The following ADGRV1 variants were observed in gnomAD, a reference collection of about 807,000 sequenced individuals.
ADGRV1 encodes adhesion G protein-coupled receptor V1.
In ADGRV1, 359 loss-of-function variants were observed where a neutral mutation model predicts 596.2. The ratio of observed to expected loss-of-function variants is 0.60; its 90% confidence interval spans 0.55 to 0.66. The LOEUF (loss-of-function observed/expected upper bound fraction) is 0.66, where lower values mean the gene tolerates loss of function less well. ADGRV1 is among the 30% of genes least tolerant of loss of function. The pLI is 0.00. For missense variants in ADGRV1, 7,274 were observed against 7,575.6 expected (o/e 0.96, Z 1.48); for synonymous variants, 2,681 against 2,679.2 (o/e 1.00, Z -0.02).
chr5:91,069,280 A>G (rs2151384751), intron 85 of ADGRV1, among the ~76,000 whole-genome samples: 1 of 152,266 alleles, frequency 6.6e-6, no homozygotes, highest in South Asian at 2.1e-4. Flanking sequence ...AGCAATTGCA[A>G]CAAAAACAAA....
chr5:90,633,908 A>G (rs1385555279), intron 9 of ADGRV1, among the ~76,000 whole-genome samples: 1 of 152,122 alleles, frequency 6.6e-6, no homozygotes, highest in East Asian at 1.9e-4. Flanking sequence ...ATTTACTTTT[A>G]CTATTAAAAT....
chr5:90,796,060 C>A (rs567731081), intron 70 of ADGRV1, among the ~76,000 whole-genome samples: 2 of 152,138 alleles, frequency 1.3e-5, no homozygotes, highest in Non-Finnish European at 2.9e-5. Flanking sequence ...AAAACCAGAA[C>A]GCTGCTTCTC....
At chr5:90,682,788 TA>T (rs1371817393) in intron 27 of ADGRV1, among the ~76,000 whole-genome samples, 1 of 152,250 alleles carries the variant, frequency 6.6e-6, no homozygotes, top group East Asian at 1.9e-4. Context: ...AAATAAAAAT[TA>T]CTCTTAGTTG....
At chr5:90,892,422 GC>G (rs1391958431) in intron 83 of ADGRV1, among the ~76,000 whole-genome samples, 2 of 151,874 alleles carry the variant, frequency 1.3e-5, no homozygotes, top group East Asian at 3.8e-4. Flanking sequence ...TGTCATTCAG[GC>G]CTGGCAATTT....
intron 84 of ADGRV1, among the ~76,000 whole-genome samples, chr5:90,979,083 T>G (rs994724065): frequency 5.3e-5 from 8 of 151,896 alleles, no homozygotes; most frequent in African/African-American, 1.9e-4. Context: ...ATATCTCCAC[T>G]GGCATTTAAA....
In ADGRV1 at chr5:90,609,274, A is replaced by G. The variant is rs565507156; in HGVS notation, c.23-5561A>G. Among the ~76,000 whole-genome samples the G allele has an allele frequency of 2.6e-5, 4 of 152,128 alleles. No homozygotes were observed. In the East Asian group the frequency reaches 7.7e-4, roughly 29 times the overall value. On this transcript the variant is annotated intron_variant, in intron 1 of 89. Coordinates refer to ENST00000405460, the MANE Select transcript of ADGRV1 (RefSeq NM_032119.4). ...TACTGTTTATCTTTTTATTCCTTTT[A>G]AATATTATGCCACATGCATATATAA... is the stretch of plus-strand genomic sequence containing the variant.
chr5:91,052,788 C>G (rs913355182), intron 85 of ADGRV1, among the ~76,000 whole-genome samples: 3 of 152,002 alleles, frequency 2.0e-5, no homozygotes, highest in Non-Finnish European at 4.4e-5. Flanking sequence ...ATGTCACAGT[C>G]CAGTTGTAGT....
chr5:90,714,124 C>T (rs6891645), intron 42 of ADGRV1, among the ~76,000 whole-genome samples: 18,757 of 152,078 alleles, frequency 0.12, 3,359 homozygotes, highest in African/African-American at 0.4. Context: ...TGTACATATA[C>T]GATAGTTTCT....
At chr5:91,087,954 A>G (rs764449203) in intron 86 of ADGRV1, among the ~76,000 whole-genome samples, 39 of 152,150 alleles carry the variant, frequency 2.6e-4, no homozygotes, top group Admixed American at 9.2e-4. Flanking sequence ...GCATTTTTTA[A>G]CATTTAATTG....
At chr5:91,126,000 G>A (rs1342928211) in intron 87 of ADGRV1, among the ~76,000 whole-genome samples, 1 of 152,106 alleles carries the variant, frequency 6.6e-6, no homozygotes, top group Admixed American at 6.6e-5. Flanking sequence ...AGCTTTCCAT[G>A]CCCACTCTAG....
chr5:90,932,273 T>G, intron 83 of ADGRV1, among the ~76,000 whole-genome samples: 1 of 152,132 alleles, frequency 6.6e-6, no homozygotes, highest in East Asian at 1.9e-4. Context: ...TCTCATCACG[T>G]CTACATTGAG....
chr5:91,117,039 G>A (rs1792905949), intron 87 of ADGRV1, among the ~76,000 whole-genome samples: 1 of 152,072 alleles, frequency 6.6e-6, no homozygotes, highest in South Asian at 2.1e-4. Context: ...AATAATAGTA[G>A]GTAAGAAGTA....
intron 85 of ADGRV1, among the ~76,000 whole-genome samples, chr5:90,993,836 C>T (rs1017417549): frequency 6.6e-6 from 1 of 151,906 alleles, no homozygotes; most frequent in Non-Finnish European, 1.5e-5. Flanking sequence ...TCCTCCTCTC[C>T]TCTGAGTCTT....
chr5:90,713,817 G>C (rs997543101), intron 42 of ADGRV1, among the ~76,000 whole-genome samples: 2 of 152,136 alleles, frequency 1.3e-5, no homozygotes, highest in African/African-American at 4.8e-5. Flanking sequence ...CCACCTCCAT[G>C]AGTAGGAGAA....
At chr5:90,988,585 C>T (rs1035719552) in intron 85 of ADGRV1, among the ~76,000 whole-genome samples, 1 of 151,942 alleles carries the variant, frequency 6.6e-6, no homozygotes, top group African/African-American at 2.4e-5. Context: ...GCTCCATACC[C>T]ATATTATATA....
At chr5:91,107,533 G>A (rs112901891) in intron 87 of ADGRV1, among the ~76,000 whole-genome samples, 258 of 152,240 alleles carry the variant, frequency 1.7e-3, no homozygotes, top group African/African-American at 4.8e-3. Flanking sequence ...AGTGTGGAAT[G>A]TTGGCATTTG....
Position 90,629,557 on chromosome 5 carries a change from A to T in ADGRV1, c.1839+18A>T. 1 of 1,540,098 alleles carries T rather than the reference A, an allele frequency of 6.5e-7. No individual in the cohort carries two copies. Among genetic ancestry groups the T allele is most frequent in the Non-Finnish European group, 8.8e-7 (1 of 1,130,708 alleles). On this transcript the variant is annotated intron_variant, in intron 9 of 89. Coordinates refer to ENST00000405460, the MANE Select transcript of ADGRV1 (RefSeq NM_032119.4). Reference sequence around the variant, plus strand: ...TAGTACAGGTACTTGTATGATTAAAATAATCGTAATTTTGGTTAACCTTCA... The same window carrying T: ...TAGTACAGGTACTTGTATGATTAAATTAATCGTAATTTTGGTTAACCTTCA...
At chr5:90,896,959 A>G (rs1163452010) in intron 83 of ADGRV1, among the ~76,000 whole-genome samples, 7 of 152,218 alleles carry the variant, frequency 4.6e-5, no homozygotes, top group Admixed American at 4.6e-4. Flanking sequence ...AGTGTAGACC[A>G]TGAAGTCCCA....
chr5:90,758,464 C>T (rs1756086402), intron 57 of ADGRV1, among the ~76,000 whole-genome samples: 1 of 152,226 alleles, frequency 6.6e-6, no homozygotes, highest in Admixed American at 6.5e-5. Context: ...TTTATCTGTG[C>T]ATGAGGTTCA....
Sources: gnomAD v4.1 joint callset for allele counts (sites outside exome capture counted in the v4.1 genomes callset) on GRCh38, gnomAD v4.1.1 for gene constraint, MANE v1.5 for transcripts, NCBI Gene and HGNC (gene_info 2026-07-23, HGNC 2026-07-21) for gene names.